Variants in POTEE observed in about 807,000 individuals in gnomAD.
The protein encoded by POTEE is ANKRD26-like family C member 1A.
Under a neutral mutation model 74.2 loss-of-function variants are expected in POTEE, and 21 were observed. The observed-to-expected ratio is 0.28, with a 90% CI of 0.20 to 0.41. POTEE has a LOEUF of 0.41. POTEE is among the 10% of genes least tolerant of loss of function. POTEE has a pLI of 1.00. For missense variants in POTEE, 525 were observed against 1,158.6 expected (o/e 0.45, Z 7.94); for synonymous variants, 211 against 432.8 (o/e 0.49, Z 6.36).
Position 131,218,802 on chromosome 2 carries a change from C to G in POTEE, c.400C>G (p.His134Asp), listed in dbSNP as rs749669172. Reference sequence around the variant, plus strand: ...CAGCGCCTTCATGGAGCCCAGGTACCACGTCCGTGGAGAAGATCTGGACAA... The same window carrying G: ...CAGCGCCTTCATGGAGCCCAGGTACGACGTCCGTGGAGAAGATCTGGACAA... ...DDSAFMEPRY[H>D]VRGEDLDKLH... Residue 134 changes from histidine (H) to aspartate (D), a missense_variant, in exon 4 of 18, where the codon CAC becomes GAC. His to Asp is a moderately conservative substitution (Grantham distance 81). Transcript: ENST00000683005. 6.2e-7 allele frequency: 1 copy of G among 1,612,686 alleles called. No individual in the cohort carries two copies. Among genetic ancestry groups the G allele is most frequent in the Non-Finnish European group, 8.5e-7 (1 of 1,179,852 alleles).
Position 131,264,119 on chromosome 2 carries a change from C to A in POTEE, c.2664C>A (p.Tyr888Ter), listed in dbSNP as rs199846929. 1 of 1,612,566 alleles carries A rather than the reference C, an allele frequency of 6.2e-7. No homozygotes were observed. The highest frequency in any genetic ancestry group is 1.3e-5 in the African/African-American group (1 of 74,954). ...TGGCTGGGCGGGAACTGCCTGACTACCTCATGAAGATCCTCACCGAGCGTG... is the reference window on the plus strand; with the variant it reads ...TGGCTGGGCGGGAACTGCCTGACTAACTCATGAAGATCCTCACCGAGCGTG... ...LDLAGRELPD[Y>*]LMKILTERGY... The change falls in exon 18 of 18, where the codon TAC becomes TAA. Residue 888 changes from tyrosine to a stop codon, truncating the protein, a stop_gained. Transcript: ENST00000683005. LOFTEE classifies it high-confidence loss of function.
chr2:131,216,199 A>T (rs1324571538), intron 2 of POTEE, among the ~76,000 whole-genome samples: 10 of 151,800 alleles, frequency 6.6e-5, no homozygotes, highest in Non-Finnish European at 1.3e-4. Flanking sequence ...TGAAAGTGAC[A>T]AATAGAAAAA....
At chr2:131,237,622 A>G (rs1486076233) in intron 10 of POTEE, among the ~76,000 whole-genome samples, 4 of 151,556 alleles carry the variant, frequency 2.6e-5, no homozygotes, top group Middle Eastern at 3.2e-3. Context: ...TAACACTATC[A>G]TATGACAGTA....
At chr2:131,229,478 TA>T (rs1559180374) in intron 8 of POTEE, 2 of 152,186 alleles carry the variant, frequency 1.3e-5, no homozygotes, top group Non-Finnish European at 2.9e-5. Context: ...GATTTTAAGA[TA>T]TTTTCAAACT....
intron 13 of POTEE, among the ~76,000 whole-genome samples, chr2:131,248,422 T>A (rs1701399672): frequency 6.6e-6 from 1 of 151,974 alleles, no homozygotes; most frequent in Non-Finnish European, 1.5e-5. Context: ...GTATTTAACC[T>A]GGACATGAGG....
rs1359692387 is a variant in POTEE, at chr2:131,209,846, G to C, written c.-345+27G>C. Among the ~76,000 whole-genome samples the C allele has an allele frequency of 5.9e-5, 9 of 151,752 alleles. No individual in the cohort carries two copies. In the East Asian group the frequency reaches 1.6e-3, roughly 26 times the overall value. On this transcript the variant is annotated intron_variant, in intron 1 of 17. Transcript: ENST00000683005. ...TGAGTTATCCGGGGATGTACTGCCC[G>C]CCTGTGGGGGCAGGGGTTGGGTGTC...
At position 131,210,240 on chromosome 2, in the gene POTEE, G is replaced by A. The variant is rs1315184287; in HGVS notation, c.-345+421G>A. Among the ~76,000 whole-genome samples the A allele has an allele frequency of 6.4e-4, 53 of 82,998 alleles. 1 individual carries two copies. Among genetic ancestry groups the A allele is most frequent in the Non-Finnish European group, 1.3e-3 (51 of 40,610 alleles). 54.4% of individuals were successfully genotyped at this position (82,998 alleles called of 152,430 possible). ...GCGCTACCTGTGGTGGGGTGGGGGC[G>A]GCGATTTTGGGGCACTGTCTTGTGC... On this transcript the variant is annotated intron_variant, in intron 1 of 17. Coordinates refer to ENST00000683005, the MANE Select transcript of POTEE (RefSeq NM_001083538.3).
intron 2 of POTEE, among the ~76,000 whole-genome samples, chr2:131,213,354 TA>T (rs1160298531): frequency 1.3e-5 from 2 of 150,692 alleles, no homozygotes; most frequent in East Asian, 4.0e-4. Context: ...ATCTTTATTT[TA>T]CTGATTCCTC....
intron 4 of POTEE, among the ~76,000 whole-genome samples, chr2:131,222,947 A>G (rs1700668639): frequency 6.6e-6 from 1 of 151,918 alleles, no homozygotes; most frequent in Admixed American, 6.6e-5. Flanking sequence ...ATGCCCCATT[A>G]TTTTATGCCT....
intron 7 of POTEE, among the ~76,000 whole-genome samples, 182 bp from the exon 8 acceptor site, chr2:131,228,062 C>T (rs545100016): frequency 2.8e-3 from 426 of 150,926 alleles, no homozygotes; most frequent in African/African-American, 9.2e-3. Flanking sequence ...TTTTTTTGGT[C>T]CCTTCCTTTT....
rs1208978226 is a variant in POTEE at position 131,209,811 on chromosome 2, C to T, written c.-353C>T. Reference sequence around the variant, plus strand: ...GCTCGGCCAGAGTGGTAGAAATGTCCTGGTGTAGGTGAGTTATCCGGGGAT... The same window carrying T: ...GCTCGGCCAGAGTGGTAGAAATGTCTTGGTGTAGGTGAGTTATCCGGGGAT... On this transcript the variant is annotated 5_prime_UTR_variant, in exon 1 of 18. Coordinates refer to ENST00000683005, the MANE Select transcript of POTEE (RefSeq NM_001083538.3). 1.3e-5 allele frequency among the ~76,000 whole-genome samples: 2 copies of T among 152,072 alleles called. No individual in the cohort carries two copies. Among genetic ancestry groups the T allele is most frequent in the Non-Finnish European group, 2.9e-5 (2 of 68,000 alleles).
intron 2 of POTEE, among the ~76,000 whole-genome samples, chr2:131,211,820 T>C (rs1700366460): frequency 6.6e-6 from 1 of 150,758 alleles, no homozygotes; most frequent in African/African-American, 2.4e-5. Flanking sequence ...CCTCCCAAAG[T>C]GCTAGGATTA....
intron 6 of POTEE, 42 bp from the exon 7 acceptor site, chr2:131,226,781 T>G: frequency 6.2e-7 from 1 of 1,610,606 alleles, no homozygotes; most frequent in South Asian, 1.1e-5. Flanking sequence ...GAATATGTAC[T>G]TTTTTGAATT....
intron 2 of POTEE, among the ~76,000 whole-genome samples, chr2:131,215,850 C>A (rs1700433635): frequency 7.5e-6 from 1 of 133,912 alleles, no homozygotes; most frequent in Middle Eastern, 3.5e-3. Context: ...ATTACAAATG[C>A]TGAGAACGTT....
intron 3 of POTEE, among the ~76,000 whole-genome samples, chr2:131,217,896 G>A (rs1367606429): frequency 8.1e-5 from 12 of 147,908 alleles, no homozygotes; most frequent in Non-Finnish European, 1.7e-4. Flanking sequence ...CCGCACGCGC[G>A]TAACGGCTTG....
chr2:131,211,798 C>T (rs1051089458), intron 2 of POTEE, among the ~76,000 whole-genome samples: 8 of 151,046 alleles, frequency 5.3e-5, no homozygotes, highest in South Asian at 2.1e-4. Context: ...CCTCATGATC[C>T]GCCCACCTTG....
intron 9 of POTEE, among the ~76,000 whole-genome samples, chr2:131,231,270 T>C (rs969130738): frequency 6.7e-6 from 1 of 148,534 alleles, no homozygotes; most frequent in African/African-American, 2.5e-5. Flanking sequence ...GGGTTCATGC[T>C]CCAATGAGTA....
At chr2:131,235,719 G>T (rs1326189423) in intron 9 of POTEE, among the ~76,000 whole-genome samples, 2 of 144,656 alleles carry the variant, frequency 1.4e-5, no homozygotes, top group Middle Eastern at 3.6e-3. Context: ...TTGAACCAGG[G>T]AGTGTCAGAG....
chr2:131,213,122 G>T (rs1168587838), intron 2 of POTEE, among the ~76,000 whole-genome samples: 1 of 151,930 alleles, frequency 6.6e-6, no homozygotes, highest in Non-Finnish European at 1.5e-5. Flanking sequence ...CACCACGCCC[G>T]GCTAATTTTT....
Sources: gnomAD v4.1 joint callset for allele counts (sites outside exome capture counted in the v4.1 genomes callset) on GRCh38, gnomAD v4.1.1 for gene constraint, MANE v1.5 for transcripts, NCBI Gene and HGNC (gene_info 2026-07-23, HGNC 2026-07-21) for gene names.